The following NCOA3 variants were observed in gnomAD, a reference collection of about 807,000 sequenced individuals.
NCOA3 encodes nuclear receptor coactivator 3, also known as CBP-interacting protein.
A neutral mutation model predicts 158.8 loss-of-function variants in NCOA3; 51 were observed. The ratio of observed to expected loss-of-function variants is 0.32; its 90% CI spans 0.26 to 0.41. The LOEUF is 0.41. Among genes scored for constraint, NCOA3 ranks in the 10% least tolerant of loss-of-function variants. NCOA3 has a pLI of 1.00. For synonymous variants in NCOA3, 537 were observed against 592.4 expected (o/e 0.91, Z 1.36); for missense variants, 1,510 against 1,746.6 (o/e 0.86, Z 2.41).
Position 47,636,643 on chromosome 20 carries a change from A to G in NCOA3, c.2257A>G (p.Lys753Glu). 6.2e-7 allele frequency: 1 copy of G among 1,614,206 alleles called. No individual in the cohort carries two copies. The highest frequency in any genetic ancestry group is 1.3e-5 in the African/African-American group (1 of 75,054). ...DRDDPSDALS[K>E]ELQPQVEGVD... ...GGATGATCCTAGTGATGCACTCTCTAAAGAACTACAGCCCCAAGTGGAAGG... is the reference window on the plus strand; with the variant it reads ...GGATGATCCTAGTGATGCACTCTCTGAAGAACTACAGCCCCAAGTGGAAGG... Residue 753 changes from lysine to glutamate, a missense_variant, in exon 12 of 23, where the codon AAA becomes GAA. This residue lies in a region of NCOA3 where 1,017 missense variants were observed against 1,098.3 expected (regional missense o/e 0.93). Coordinates refer to ENST00000371998, the MANE Select transcript of NCOA3 (RefSeq NM_181659.3).
intron 2 of NCOA3, among the ~76,000 whole-genome samples, chr20:47,591,872 A>G (rs2085647513): frequency 6.6e-6 from 1 of 151,722 alleles, no homozygotes; most frequent in African/African-American, 2.4e-5. Context: ...ATTTAGGTCT[A>G]GTTTTCTTTG....
At chr20:47,592,512 C>T (rs2085662504) in intron 2 of NCOA3, among the ~76,000 whole-genome samples, 1 of 152,204 alleles carries the variant, frequency 6.6e-6, no homozygotes, top group Non-Finnish European at 1.5e-5. Flanking sequence ...ACTTTTACCT[C>T]TTATTTCATT....
chr20:47,518,372 A>G (rs2084269047), intron 1 of NCOA3, among the ~76,000 whole-genome samples: 1 of 152,012 alleles, frequency 6.6e-6, no homozygotes, highest in Non-Finnish European at 1.5e-5. Context: ...ATTGGGGGAA[A>G]AAAAAAGAAA....
At chr20:47,589,592 T>A (rs2085593022) in intron 2 of NCOA3, among the ~76,000 whole-genome samples, 1 of 152,042 alleles carries the variant, frequency 6.6e-6, no homozygotes, top group Admixed American at 6.6e-5. Flanking sequence ...TCCAGGTTGA[T>A]CTCGAGCTCC....
intron 1 of NCOA3, among the ~76,000 whole-genome samples, chr20:47,544,316 C>CTTT (rs397866275): frequency 1.1e-3 from 109 of 99,682 alleles, no homozygotes; most frequent in Non-Finnish European, 1.7e-3. Flanking sequence ...TTTAATACTA[C>CTTT]TTTTTTTTTT....
At chr20:47,616,279 C>T (rs550893346) in intron 2 of NCOA3, among the ~76,000 whole-genome samples, 1 of 151,566 alleles carries the variant, frequency 6.6e-6, no homozygotes, top group South Asian at 2.1e-4. Context: ...CTGCAACCTC[C>T]ACCTCCTGGG....
intron 2 of NCOA3, among the ~76,000 whole-genome samples, chr20:47,610,116 T>G (rs2086020068): frequency 6.6e-6 from 1 of 152,230 alleles, no homozygotes; most frequent in Admixed American, 6.5e-5. Flanking sequence ...ATATATTTTC[T>G]TATTCATTAT....
At chr20:47,572,531 C>T (rs773886998) in intron 1 of NCOA3, among the ~76,000 whole-genome samples, 1 of 149,416 alleles carries the variant, frequency 6.7e-6, no homozygotes, top group African/African-American at 2.5e-5. Flanking sequence ...CATTTCTAGC[C>T]CCCCCCACCT....
intron 1 of NCOA3, among the ~76,000 whole-genome samples, chr20:47,564,995 T>G (rs2085169336): frequency 6.6e-6 from 1 of 152,198 alleles, no homozygotes; most frequent in Non-Finnish European, 1.5e-5. Flanking sequence ...GGTGGTTTTT[T>G]TTTTAGAAGG....
rs1179026052 is a variant in NCOA3 at position 47,650,975 on chromosome 20, G to A, written c.3652-7G>A. On this transcript the variant is annotated splice_region_variant and splice_polypyrimidine_tract_variant and intron_variant, in intron 19 of 22. Transcript: ENST00000371998. ...TATATGTAATTGCACTCTTTCTTGG[G>A]TATTAGCAGGGTTTTCTTAATGCTC... 6.2e-7 allele frequency: 1 copy of A among 1,613,026 alleles called. No homozygotes were observed. The highest frequency in any genetic ancestry group is 1.1e-5 in the South Asian group (1 of 91,066).
At chr20:47,522,040 T>TTTATTTAGGTC (rs2084343207) in intron 1 of NCOA3, among the ~76,000 whole-genome samples, 1 of 151,892 alleles carries the variant, frequency 6.6e-6, no homozygotes, top group Admixed American at 6.6e-5. Context: ...TATCTTTTCA[T>TTTATTTAGGTC]TTATTTAGGT....
At chr20:47,608,137 C>T (rs6018586) in intron 2 of NCOA3, among the ~76,000 whole-genome samples, 5 of 152,108 alleles carry the variant, frequency 3.3e-5, no homozygotes, top group African/African-American at 1.2e-4. Context: ...ATGGTGAAAC[C>T]CTGTCTCTAC....
intron 1 of NCOA3, among the ~76,000 whole-genome samples, chr20:47,517,261 A>C (rs1194155961): frequency 1.3e-5 from 2 of 152,136 alleles, no homozygotes; most frequent in Non-Finnish European, 2.9e-5. Flanking sequence ...ATAACGAAAC[A>C]GTACAGAGTA....
At chr20:47,554,382 G>C (rs2084969559) in intron 1 of NCOA3, among the ~76,000 whole-genome samples, 1 of 151,976 alleles carries the variant, frequency 6.6e-6, no homozygotes, top group African/African-American at 2.4e-5. Context: ...TTCTTTTGCT[G>C]TGCAGAAGCT....
rs2083938075 is a variant in NCOA3 at position 47,501,921 on chromosome 20, C to CGGCGGCTGCGGCTT, written c.-197_-196insGGCGGCTGCGGCTT. On this transcript the variant is annotated 5_prime_UTR_variant, in exon 1 of 23. Transcript: ENST00000371998. ...TGTCTCAGCCGCTCCACAGCGACGGCAGCGGCTGCGGCTTAGTCGGTGGCG... is the reference window on the plus strand; with the variant it reads ...TGTCTCAGCCGCTCCACAGCGACGGCGGCGGCTGCGGCTTAGCGGCTGCGGCTTAGTCGGTGGCG... The CGGCGGCTGCGGCTT allele has an allele frequency of 5.2e-5, 21 of 400,332 alleles. No individual in the cohort carries two copies. The highest frequency in any genetic ancestry group is 3.2e-4 in the East Asian group (9 of 28,146). 24.8% of individuals were successfully genotyped at this position (400,332 alleles called of 1,614,324 possible). A position where few individuals can be genotyped will look rare whatever the true frequency, so the allele number is the denominator to read the frequency against.
chr20:47,639,656 A>G lies in NCOA3; in HGVS notation c.2787A>G (p.Arg929=), dbSNP rs1276297302. The change falls in exon 15 of 23, where the codon AGA becomes AGG. Residue 929 remains arginine (R), a synonymous_variant. Transcript: ENST00000371998. ...GCTTACCAAACTCAAAGGCCGGCAG[A>G]ATGGAACCTATGAATTCAAACTCCA... The part of the protein sequence containing the change: ...DWGLPNSKAG[R]MEPMNSNSMG... The G allele has an allele frequency of 5.0e-6, 8 of 1,613,888 alleles. No individual in the cohort carries two copies. The highest frequency in any genetic ancestry group is 1.3e-5 in the African/African-American group (1 of 74,920).
chr20:47,559,150 TG>T (rs2085060337), intron 1 of NCOA3, among the ~76,000 whole-genome samples: 1 of 152,092 alleles, frequency 6.6e-6, no homozygotes, highest in Admixed American at 6.6e-5. Flanking sequence ...TTATCATGTT[TG>T]GGGGCAGGTA....
chr20:47,552,778 T>G (rs1021591725), intron 1 of NCOA3, among the ~76,000 whole-genome samples: 1 of 152,214 alleles, frequency 6.6e-6, no homozygotes, highest in Non-Finnish European at 1.5e-5. Context: ...AGCCTATATT[T>G]CATCTGGGTC....
intron 18 of NCOA3, among the ~76,000 whole-genome samples, chr20:47,647,978 G>A (rs1222454150): frequency 1.4e-5 from 2 of 146,090 alleles, no homozygotes; most frequent in Admixed American, 1.4e-4. Context: ...GCAGTGGCAT[G>A]ATCTTGGCTT....
Sources: gnomAD v4.1 joint callset for allele counts (sites outside exome capture counted in the v4.1 genomes callset) on GRCh38, gnomAD v4.1.1 for gene constraint, gnomAD v4.1.1 regional missense constraint, MANE v1.5 for transcripts, NCBI Gene and HGNC (gene_info 2026-07-23, HGNC 2026-07-21) for gene names.